Variants in SH3PXD2B observed in about 807,000 individuals in gnomAD.
SH3PXD2B encodes the protein SH3 and PX domain-containing protein 2B.
A neutral mutation model predicts 73.1 loss-of-function variants in SH3PXD2B; 37 were observed. That is an observed-to-expected ratio of 0.51 (90% CI 0.39 to 0.67). The LOEUF is 0.67. Ranked by LOEUF, SH3PXD2B falls within the 30% of genes least tolerant of loss-of-function variation. SH3PXD2B has a pLI of 0.00. For missense variants in SH3PXD2B, 1,053 were observed against 1,197.8 expected (o/e 0.88, Z 1.78); for synonymous variants, 457 against 480.5 (o/e 0.95, Z 0.64).
intron 4 of SH3PXD2B, among the ~76,000 whole-genome samples, chr5:172,388,140 T>TA: frequency 6.6e-6 from 1 of 152,356 alleles, no homozygotes; most frequent in South Asian, 2.1e-4. Flanking sequence ...CGTGTGCTAA[T>TA]ACTGCACTAT....
intron 6 of SH3PXD2B, among the ~76,000 whole-genome samples, chr5:172,369,212 T>TG (rs1202624820): frequency 1.3e-5 from 2 of 148,822 alleles, no homozygotes; most frequent in Non-Finnish European, 3.0e-5. Flanking sequence ...TTTATGTATT[T>TG]TTTTTGTTTT....
chr5:172,399,880 C>T (rs1163959626), intron 3 of SH3PXD2B, among the ~76,000 whole-genome samples: 4 of 152,140 alleles, frequency 2.6e-5, no homozygotes, highest in Admixed American at 6.5e-5. Context: ...TGCACTTATT[C>T]GACCTCTCAC....
intron 2 of SH3PXD2B, among the ~76,000 whole-genome samples, chr5:172,418,625 T>G (rs560607053): frequency 6.6e-6 from 1 of 152,308 alleles, no homozygotes; most frequent in African/African-American, 2.4e-5. Context: ...CCTAACCTCT[T>G]CCAGCTTTCC....
intron 1 of SH3PXD2B, among the ~76,000 whole-genome samples, chr5:172,439,436 C>T (rs1489329973): frequency 2.6e-5 from 4 of 152,026 alleles, no homozygotes; most frequent in Admixed American, 1.3e-4. Flanking sequence ...GAGAACAGTA[C>T]CTACTTTATA....
In SH3PXD2B at chr5:172,445,631, T is replaced by C. The variant is rs1759643448; in HGVS notation, c.75+8647A>G. On this transcript the variant is annotated intron_variant, in intron 1 of 12. Coordinates refer to ENST00000311601, the MANE Select transcript of SH3PXD2B (RefSeq NM_001017995.3). This position sits in a 1 kb window ranked among gnomAD's most constrained non-coding sequence, Gnocchi z 5.2. Reference sequence around the variant, plus strand: ...GAATTTCGGATAAACAACAAATAATTGTTTCTCATAAATATGTCCCAAATA... The same window carrying C: ...GAATTTCGGATAAACAACAAATAATCGTTTCTCATAAATATGTCCCAAATA... Among the ~76,000 whole-genome samples the C allele has an allele frequency of 6.6e-6, 1 of 152,242 alleles. No individual in the cohort carries two copies. Among genetic ancestry groups the C allele is most frequent in the South Asian group, 2.1e-4 (1 of 4,836 alleles).
At chr5:172,325,376 T>A (rs1756428556) in exon 13 of SH3PXD2B, 1 of 1,532,206 alleles carries the variant, frequency 6.5e-7, no homozygotes, top group African/African-American at 1.4e-5. Context: ...AACATTCTTA[T>A]GATCCTAGAT....
At chr5:172,451,981 A>G (rs1282379743) in intron 1 of SH3PXD2B, among the ~76,000 whole-genome samples, 3 of 152,226 alleles carry the variant, frequency 2.0e-5, no homozygotes, top group Non-Finnish European at 4.4e-5. Context: ...TGAGTGACTA[A>G]AGCCACATGC....
At position 172,335,860 on chromosome 5, in the gene SH3PXD2B, G is replaced by T; in HGVS notation, c.*2509C>A. On this transcript the variant is annotated 3_prime_UTR_variant, in exon 13 of 13. Coordinates refer to ENST00000311601, the MANE Select transcript of SH3PXD2B (RefSeq NM_001017995.3). The stretch of plus-strand genomic sequence containing the variant: ...CCTCAGGCCATAGATATGACTCAAG[G>T]AGAGAACAGTGAACAGAGAGGACTG... 8.2e-7 allele frequency: 1 copy of T among 1,225,812 alleles called. No individual in the cohort carries two copies. The highest frequency in any genetic ancestry group is 1.0e-6 in the Non-Finnish European group (1 of 984,806). The allele number at this position is 1,225,812 out of a possible 1,614,324, so 75.9% of individuals were successfully genotyped here. A position where few individuals can be genotyped will look rare whatever the true frequency, so the allele number is the denominator to read the frequency against.
rs753077916 is a variant in SH3PXD2B at position 172,382,023 on chromosome 5, C to T, written c.401+13G>A. ...GTGGGGCTCCATCTGGGGAAGCCCA[C>T]AAACAAACTTACTCTTTGGGGGGAT... is the stretch of plus-strand genomic sequence containing the variant. On this transcript the variant is annotated intron_variant, in intron 5 of 12. Coordinates refer to ENST00000311601, the MANE Select transcript of SH3PXD2B (RefSeq NM_001017995.3). 6.2e-7 allele frequency: 1 copy of T among 1,605,526 alleles called. No individual in the cohort carries two copies. Among genetic ancestry groups the T allele is most frequent in the Admixed American group, 1.7e-5 (1 of 58,802 alleles).
intron 3 of SH3PXD2B, among the ~76,000 whole-genome samples, chr5:172,400,571 G>A (rs1254394913): frequency 3.3e-5 from 5 of 152,196 alleles, no homozygotes; most frequent in Non-Finnish European, 5.9e-5. Context: ...TGTCTGGACT[G>A]CAAGTATGGG....
downstream of SH3PXD2B, among the ~76,000 whole-genome samples, chr5:172,331,857 A>G (rs549490270): frequency 6.6e-6 from 1 of 152,308 alleles, no homozygotes; most frequent in South Asian, 2.1e-4. Context: ...GAGGTACAAG[A>G]ATCGCTCGAG....
rs779675194 is a variant in SH3PXD2B, at chr5:172,350,547, C to T, written c.828G>A (p.Lys276=). 15 of 1,613,528 alleles carry T rather than the reference C, an allele frequency of 9.3e-6. No individual in the cohort carries two copies. In the African/African-American group the frequency reaches 1.6e-4, roughly 17 times the overall value. ...GGGGCAAGGGCTCCCCACTGTTCTT[C>T]TTTAGGTAGGAGGCGGGGGCCCAGC... is the stretch of plus-strand genomic sequence containing the variant. ...KEGWAPASYL[K]KNSGEPLPPK... The change falls in exon 10 of 13, where the codon AAG becomes AAA. Residue 276 remains lysine (K), a synonymous_variant. Coordinates refer to ENST00000311601, the MANE Select transcript of SH3PXD2B (RefSeq NM_001017995.3).
intron 6 of SH3PXD2B, among the ~76,000 whole-genome samples, chr5:172,363,707 A>C (rs559873194): frequency 6.6e-6 from 1 of 152,090 alleles, no homozygotes; most frequent in Non-Finnish European, 1.5e-5. Context: ...GACTGGAAGG[A>C]GGCTAGGTGA....
chr5:172,335,506 C>G lies in SH3PXD2B; in HGVS notation c.*2863G>C. The G allele has an allele frequency of 8.1e-7, 1 of 1,231,628 alleles. No individual in the cohort carries two copies. The highest frequency in any genetic ancestry group is 3.2e-5 in the East Asian group (1 of 31,706). 76.3% of individuals were successfully genotyped at this position (1,231,628 alleles called of 1,614,324 possible). A position where few individuals can be genotyped will look rare whatever the true frequency, so the allele number is the denominator to read the frequency against. ...CTATTTGGACCTTCTCCCTCTGAACCTTAATTTTCTCACTATAGATCAGGG... is the reference window on the plus strand; with the variant it reads ...CTATTTGGACCTTCTCCCTCTGAACGTTAATTTTCTCACTATAGATCAGGG... On this transcript the variant is annotated 3_prime_UTR_variant, in exon 13 of 13. Transcript: ENST00000311601.
chr5:172,403,725 C>T (rs1488112083), intron 3 of SH3PXD2B, among the ~76,000 whole-genome samples: 1 of 152,168 alleles, frequency 6.6e-6, no homozygotes, highest in Non-Finnish European at 1.5e-5. Flanking sequence ...CCTTTCCTTT[C>T]TTGATGTAAA....
chr5:172,433,611 C>T lies in SH3PXD2B; in HGVS notation c.76-11115G>A, dbSNP rs1266156210. 3.3e-5 allele frequency among the ~76,000 whole-genome samples: 5 copies of T among 152,182 alleles called. 1 individual carries two copies. Among genetic ancestry groups the T allele is most frequent in the Middle Eastern group, 6.3e-3 (2 of 316 alleles). ...AAGGAGCCCCTGCCGGGTGCCAGCC[C>T]AGCCGATGGCACAGGGATGCCCAGA... is the stretch of plus-strand genomic sequence containing the variant. On this transcript the variant is annotated intron_variant, in intron 1 of 12. Transcript: ENST00000311601.
At chr5:172,379,186 T>C (rs1402172744) in intron 5 of SH3PXD2B, among the ~76,000 whole-genome samples, 1 of 150,372 alleles carries the variant, frequency 6.7e-6, no homozygotes, top group Non-Finnish European at 1.5e-5. Context: ...AATTAGGTCA[T>C]AAACGTGGAG....
chr5:172,426,081 GA>G (rs751358169), intron 1 of SH3PXD2B, among the ~76,000 whole-genome samples: 3 of 151,306 alleles, frequency 2.0e-5, no homozygotes, highest in South Asian at 2.1e-4. Context: ...CCCATAGATG[GA>G]AAAAAAAATT....
At chr5:172,379,685 G>A (rs1757899188) in intron 5 of SH3PXD2B, among the ~76,000 whole-genome samples, 2 of 152,180 alleles carry the variant, frequency 1.3e-5, no homozygotes, top group Admixed American at 6.5e-5. Context: ...TGAGCAGCTG[G>A]CAAAGTCTTA....
Sources: allele counts gnomAD v4.1 joint callset (sites outside exome capture counted in the v4.1 genomes callset), GRCh38; gene constraint gnomAD v4.1.1; non-coding constraint Gnocchi (gnomAD v3.1); transcripts MANE v1.5; gene names NCBI Gene and HGNC (gene_info 2026-07-23, HGNC 2026-07-21).